Variants in ZNF800 observed in about 807,000 individuals in gnomAD.
ZNF800 encodes the protein zinc finger protein 800.
A neutral mutation model predicts 59.5 loss-of-function variants in ZNF800; 13 were observed. That is an observed-to-expected ratio of 0.22 (90% CI 0.14 to 0.35). ZNF800 has a LOEUF of 0.35. Among genes scored for constraint, ZNF800 ranks in the 10% least tolerant of loss-of-function variants. The pLI is 1.00. For synonymous variants in ZNF800, 266 were observed against 265.7 expected (o/e 1.00, Z -0.01); for missense variants, 621 against 783.7 (o/e 0.79, Z 2.48).
intron 5 of ZNF800, 120 bp from the exon 6 acceptor site, chr7:127,371,934 TA>T: frequency 5.0e-6 from 3 of 597,014 alleles, no homozygotes; most frequent in South Asian, 2.1e-5. Context: ...TCCACACAAA[TA>T]AAAAAACGTG....
rs1048711020 is a variant in ZNF800 at position 127,392,267 on chromosome 7, T to A, written c.-266A>T. 2.5e-5 allele frequency: 10 copies of A among 392,280 alleles called. 1 individual carries two copies. Among genetic ancestry groups the A allele is most frequent in the Admixed American group, 8.9e-5 (2 of 22,468 alleles). The allele number at this position is 392,280 out of a possible 1,614,324, so 24.3% of individuals were successfully genotyped here. On this transcript the variant is annotated 5_prime_UTR_variant, in exon 1 of 6. Transcript: ENST00000265827. ...GAAGCGCCACAGCTCACCACGTCCC[T>A]CCGCGGGCCGAGACGACTGCGGCGG...
chr7:127,343,131 T>C (rs1005459775), downstream of ZNF800, among the ~76,000 whole-genome samples: 3 of 151,598 alleles, frequency 2.0e-5, no homozygotes, highest in Non-Finnish European at 4.4e-5. Flanking sequence ...TATTATTAAA[T>C]TAAAAAATGA....
Position 127,374,810 on chromosome 7 carries a change from C to G in ZNF800, c.526G>C (p.Glu176Gln). The G allele has an allele frequency of 1.2e-6, 2 of 1,613,150 alleles. No individual in the cohort carries two copies. The highest frequency in any genetic ancestry group is 1.7e-6 in the Non-Finnish European group (2 of 1,179,604). Reference protein sequence around the residue: ...TEVQIQETSTEQSKTVPVTDT... With the variant: ...TEVQIQETSTQQSKTVPVTDT... ...GTAACCGGTACTGTTTTTGACTGTTCAGTGCTAGTTTCCTGTATCTGAACT... is the reference window on the plus strand; with the variant it reads ...GTAACCGGTACTGTTTTTGACTGTTGAGTGCTAGTTTCCTGTATCTGAACT... The change falls in exon 5 of 6, where the codon GAA (glutamate) becomes CAA (glutamine). Residue 176 changes from glutamate (E) to glutamine (Q), a missense_variant. Coordinates refer to ENST00000265827, the MANE Select transcript of ZNF800 (RefSeq NM_176814.5).
rs751504636 is a variant in ZNF800 at position 127,374,575 on chromosome 7, T to C, written c.761A>G (p.Lys254Arg). The C allele has an allele frequency of 3.7e-6, 6 of 1,614,050 alleles. No individual in the cohort carries two copies. The Admixed American group carries it at 1.0e-4, about 27-fold the overall frequency. ...CTTTTTTAGTTCTTCCATCTTTTTC[T>C]TGTGTACTTTTCGAATGTGACGGCG... ...GVRRHIRKVH[K>R]KKMEELKKYI... The change falls in exon 5 of 6, where the codon AAG becomes AGG. Residue 254 changes from lysine to arginine, a missense_variant. Lys to Arg is a conservative substitution (Grantham distance 26). This residue lies in a region of ZNF800 where 218 missense variants were observed against 230.8 expected (regional missense o/e 0.94). Transcript: ENST00000265827.
At chr7:127,353,796 T>C (rs1223254097) in intron 1 of ZNF800, among the ~76,000 whole-genome samples, 1 of 152,126 alleles carries the variant, frequency 6.6e-6, no homozygotes, top group Non-Finnish European at 1.5e-5. Context: ...TGACAGGCTC[T>C]ATTTTTCTCT....
At chr7:127,383,948 T>C (rs1801051816) in intron 3 of ZNF800, among the ~76,000 whole-genome samples, 1 of 152,104 alleles carries the variant, frequency 6.6e-6, no homozygotes, top group South Asian at 2.1e-4. Flanking sequence ...AACATCAACA[T>C]AAAATGGCTT....
At chr7:127,369,038 C>CAA (rs57948552), downstream of ZNF800, among the ~76,000 whole-genome samples, 109 of 146,964 alleles carry the variant, frequency 7.4e-4, no homozygotes, top group East Asian at 7.9e-4. Context: ...AGACATAAAC[C>CAA]AAAAAAAAAA....
chr7:127,347,741 A>C (rs1800092284), exon 2 of ZNF800: 1 of 152,246 alleles, frequency 6.6e-6, no homozygotes, highest in African/African-American at 2.4e-5. Context: ...GGCGAGGCAG[A>C]GGACTCAGGG....
Position 127,377,056 on chromosome 7 carries a change from A to C in ZNF800, c.301+130T>G. 1 of 839,524 alleles carries C rather than the reference A, an allele frequency of 1.2e-6. No homozygotes were observed. The highest frequency in any genetic ancestry group is 1.8e-6 in the Non-Finnish European group (1 of 566,824). The allele number at this position is 839,524 out of a possible 1,614,324, so 52.0% of individuals were successfully genotyped here. On this transcript the variant is annotated intron_variant, in intron 4 of 5. Coordinates refer to ENST00000265827, the MANE Select transcript of ZNF800 (RefSeq NM_176814.5). This position sits in a 1 kb window ranked among gnomAD's most constrained non-coding sequence, Gnocchi z 4.7. ...TAATTTTATTCTCCATCTCCATCTA[A>C]AAATTATCTGTAACTAGACATCATT... is the stretch of plus-strand genomic sequence containing the variant.
rs1323023731 is a variant in ZNF800 at position 127,392,162 on chromosome 7, C to T, written c.-161G>A. On this transcript the variant is annotated 5_prime_UTR_variant, in exon 1 of 6. Transcript: ENST00000265827. The stretch of plus-strand genomic sequence containing the variant: ...GGAGGCGGCTGCGGGCCCCACCTGG[C>T]GCAGCCTCCGCTGACCACGCGGGGG... The T allele has an allele frequency of 2.5e-6, 1 of 394,720 alleles. No homozygotes were observed. Among genetic ancestry groups the T allele is most frequent in the Non-Finnish European group, 4.5e-6 (1 of 223,464 alleles). 24.5% of individuals were successfully genotyped at this position (394,720 alleles called of 1,614,324 possible). A position where few individuals can be genotyped will look rare whatever the true frequency, so the allele number is the denominator to read the frequency against.
Position 127,373,927 on chromosome 7 carries a change from T to C in ZNF800, c.1409A>G (p.Gln470Arg). Residue 470 changes from glutamine (Q) to arginine (R), a missense_variant, in exon 5 of 6, where the codon CAA (glutamine) becomes CGA (arginine). By Grantham distance (43) the Gln-to-Arg change is conservative. Around this residue, in one of 7 missense-constraint regions of ZNF800, gnomAD observed 185 missense variants for 177.6 expected, o/e 1.04. Transcript: ENST00000265827. ...STSPSAAGGQ[Q>R]KTRKPKLSAG... ...TGAAAGTTTTGGTTTTCTGGTTTTT[T>C]GCTGGCCACCTGCAGCCGACGGACT... 3.7e-6 allele frequency: 6 copies of C among 1,614,222 alleles called. No individual in the cohort carries two copies. Among genetic ancestry groups the C allele is most frequent in the Non-Finnish European group, 4.2e-6 (5 of 1,180,032 alleles).
intron 4 of ZNF800, among the ~76,000 whole-genome samples, chr7:127,375,783 A>G (rs1800774881): frequency 6.6e-6 from 1 of 151,988 alleles, no homozygotes; most frequent in South Asian, 2.1e-4. Flanking sequence ...GTTTCCATGT[A>G]TTACTACTCT....
chr7:127,360,708 T>C (rs1023838642), intron 1 of ZNF800: 4 of 151,726 alleles, frequency 2.6e-5, no homozygotes, highest in Non-Finnish European at 4.4e-5. Flanking sequence ...CTCAATTCAA[T>C]CAACAACAAA....
At chr7:127,352,833 G>A (rs915705284) in intron 1 of ZNF800, among the ~76,000 whole-genome samples, 2 of 152,172 alleles carry the variant, frequency 1.3e-5, no homozygotes, top group Non-Finnish European at 2.9e-5. Context: ...GTGAGGCCTG[G>A]CAGGGAGGCC....
intron 2 of ZNF800, among the ~76,000 whole-genome samples, chr7:127,387,917 AACACACACACACACACACAC>A (rs141731563): frequency 8.2e-4 from 121 of 147,832 alleles, no homozygotes; most frequent in African/African-American, 2.8e-3. Flanking sequence ...ATTAATTAAG[AACACACACACACACACACAC>A]ACACACACAC....
chr7:127,375,186 A>C (rs997367554), intron 4 of ZNF800, 152 bp from the exon 5 acceptor site: 1 of 641,988 alleles, frequency 1.6e-6, no homozygotes, highest in Non-Finnish European at 2.3e-6. Context: ...GTATTCTACA[A>C]AGATAAAGAC....
chr7:127,373,273 T>C, intron 5 of ZNF800, 69 bp downstream of exon 5: 1 of 1,521,092 alleles, frequency 6.6e-7, no homozygotes, highest in Non-Finnish European at 8.8e-7. Flanking sequence ...AGCTATAAAT[T>C]ATGGTCAAAT....
At chr7:127,352,092 A>G (rs1800177428) in intron 1 of ZNF800, among the ~76,000 whole-genome samples, 1 of 152,246 alleles carries the variant, frequency 6.6e-6, no homozygotes, top group Non-Finnish European at 1.5e-5. Flanking sequence ...TGGATTCAAC[A>G]TTAAGGATAA....
chr7:127,374,894 A>G lies in ZNF800; in HGVS notation c.442T>C (p.Ser148Pro). 1 of 1,613,954 alleles carries G rather than the reference A, an allele frequency of 6.2e-7. No homozygotes were observed. The highest frequency in any genetic ancestry group is 1.3e-5 in the African/African-American group (1 of 75,024). The part of the protein sequence containing the change: ...TNQNAVFQYI[S>P]RTDNPIEVTE... ...ACTTCAATAGGATTATCAGTCCTCGAAATATATTGAAATACTGCATTTTGA... is the reference window on the plus strand; with the variant it reads ...ACTTCAATAGGATTATCAGTCCTCGGAATATATTGAAATACTGCATTTTGA... The change falls in exon 5 of 6, where the codon TCG (serine) becomes CCG (proline). Residue 148 changes from serine to proline, a missense_variant. Coordinates refer to ENST00000265827, the MANE Select transcript of ZNF800 (RefSeq NM_176814.5).
Sources: allele counts gnomAD v4.1 joint callset (sites outside exome capture counted in the v4.1 genomes callset), GRCh38; gene constraint gnomAD v4.1.1; regional missense constraint gnomAD v4.1.1; non-coding constraint Gnocchi (gnomAD v3.1); transcripts MANE v1.5; gene names NCBI Gene and HGNC (gene_info 2026-07-23, HGNC 2026-07-21).